Variants in SBF2 observed in about 807,000 individuals in gnomAD.
SBF2 encodes myotubularin-related protein 13.
SBF2 carries 112 observed loss-of-function variants against 225.2 expected under a neutral mutation model. The observed-to-expected ratio is 0.50, with a 90% confidence interval of 0.43 to 0.58. The LOEUF (loss-of-function observed/expected upper bound fraction) is 0.58, where lower values mean the gene tolerates loss of function less well. Ranked by LOEUF, SBF2 falls within the 20% of genes least tolerant of loss-of-function variation. The pLI, the probability that SBF2 is intolerant of heterozygous loss-of-function variation, is 0.00. For synonymous variants in SBF2, 763 were observed against 773.3 expected (o/e 0.99, Z 0.22); for missense variants, 1,996 against 2,206.2 (o/e 0.90, Z 1.91).
At chr11:9,959,449 C>T (rs924545087) in intron 16 of SBF2, 4 of 1,048,656 alleles carry the variant, frequency 3.8e-6, no homozygotes, top group Non-Finnish European at 6.0e-6. Context: ...CACCATGTCC[C>T]TTATCCGTTT....
chr11:9,862,707 T>A (rs1857858888), intron 17 of SBF2, among the ~76,000 whole-genome samples: 1 of 152,182 alleles, frequency 6.6e-6, no homozygotes, highest in Non-Finnish European at 1.5e-5. Context: ...TGGATAAAAC[T>A]ATCTTCTGAT....
At chr11:9,877,665 C>G (rs982815336) in intron 17 of SBF2, among the ~76,000 whole-genome samples, 2 of 152,116 alleles carry the variant, frequency 1.3e-5, no homozygotes, top group Non-Finnish European at 2.9e-5. Flanking sequence ...TCTGCTCTTG[C>G]GATAGTTTGC....
chr11:10,039,771 C>G (rs542143034), intron 3 of SBF2, among the ~76,000 whole-genome samples: 1 of 151,860 alleles, frequency 6.6e-6, no homozygotes, highest in South Asian at 2.1e-4. Flanking sequence ...ATAAAATGAT[C>G]CTAGATCAAC....
intron 16 of SBF2, among the ~76,000 whole-genome samples, chr11:9,913,189 T>G (rs1167073992): frequency 6.6e-6 from 1 of 152,014 alleles, no homozygotes; most frequent in East Asian, 1.9e-4. Flanking sequence ...GAGGTTGAGG[T>G]GGGAGGACCA....
At chr11:9,868,431 T>A (rs1424317623) in intron 17 of SBF2, among the ~76,000 whole-genome samples, 1 of 147,306 alleles carries the variant, frequency 6.8e-6, no homozygotes, top group African/African-American at 2.5e-5. Context: ...GGCAGGAGAA[T>A]GGCATGAACC....
At chr11:9,966,085 C>A (rs1866891261) in intron 14 of SBF2, among the ~76,000 whole-genome samples, 1 of 151,608 alleles carries the variant, frequency 6.6e-6, no homozygotes, top group Non-Finnish European at 1.5e-5. Flanking sequence ...TTTTCTTTTT[C>A]TTTTTCTTTT....
chr11:9,949,692 C>T (rs1032119836), intron 16 of SBF2, among the ~76,000 whole-genome samples: 4 of 152,028 alleles, frequency 2.6e-5, no homozygotes, highest in African/African-American at 9.7e-5. Context: ...TCTGCATTTA[C>T]ATTCATAAGA....
At chr11:10,159,864 T>C (rs1445808236) in intron 2 of SBF2, among the ~76,000 whole-genome samples, 1 of 151,536 alleles carries the variant, frequency 6.6e-6, no homozygotes, top group Non-Finnish European at 1.5e-5. Flanking sequence ...CACTCCAGCC[T>C]GGGCAACAGA....
At chr11:9,880,677 A>G (rs1024887511) in intron 17 of SBF2, among the ~76,000 whole-genome samples, 30 of 152,194 alleles carry the variant, frequency 2.0e-4, no homozygotes, top group African/African-American at 7.2e-4. Flanking sequence ...TGCCCTACTC[A>G]AGAGTATGGT....
chr11:9,911,456 C>T (rs1411025065), intron 16 of SBF2, among the ~76,000 whole-genome samples: 1 of 151,416 alleles, frequency 6.6e-6, no homozygotes, highest in Non-Finnish European at 1.5e-5. Flanking sequence ...CTATACAATA[C>T]CGTGGCTTTT....
chr11:10,208,539 G>GGGTGAAGGAGGC (rs1161670666), intron 1 of SBF2, among the ~76,000 whole-genome samples: 109 of 152,140 alleles, frequency 7.2e-4, no homozygotes, highest in African/African-American at 2.5e-3. Context: ...GCAAAGGAGG[G>GGGTGAAGGAGGC]GGTGAAGGAG....
chr11:9,822,449 A>G (rs1854817988), intron 28 of SBF2, among the ~76,000 whole-genome samples: 1 of 152,034 alleles, frequency 6.6e-6, no homozygotes, highest in Non-Finnish European at 1.5e-5. Flanking sequence ...TTTAGTAGAG[A>G]CAGGGTTTCA....
At chr11:10,008,654 A>G (rs1302091972) in intron 6 of SBF2, among the ~76,000 whole-genome samples, 18 of 152,220 alleles carry the variant, frequency 1.2e-4, no homozygotes, top group Non-Finnish European at 1.5e-5. Flanking sequence ...ACAGATGGGA[A>G]AAAGCCTTGC....
chr11:10,191,063 G>A (rs2135320539), intron 2 of SBF2, among the ~76,000 whole-genome samples: 1 of 152,222 alleles, frequency 6.6e-6, no homozygotes. Flanking sequence ...TTATGTACGT[G>A]AGTTCATCAC....
intron 7 of SBF2, 125 bp from the exon 8 acceptor site, chr11:10,001,147 C>A: frequency 1.6e-6 from 1 of 625,338 alleles, no homozygotes; most frequent in Non-Finnish European, 2.9e-6. Context: ...TGTTTTCATG[C>A]TTTTTAATAC....
chr11:10,152,363 C>T (rs560529559), intron 2 of SBF2, among the ~76,000 whole-genome samples: 2 of 120,922 alleles, frequency 1.7e-5, no homozygotes, highest in East Asian at 4.3e-4. Flanking sequence ...CCAGCCTGAC[C>T]AACATGGAGA....
intron 6 of SBF2, among the ~76,000 whole-genome samples, chr11:10,017,956 C>T (rs1157660517): frequency 1.3e-5 from 2 of 152,036 alleles, no homozygotes; most frequent in East Asian, 1.9e-4. Context: ...CCTTCAATGA[C>T]CCAAATTCCT....
intron 33 of SBF2, among the ~76,000 whole-genome samples, chr11:9,793,571 G>A (rs1852897324): frequency 6.6e-6 from 1 of 152,140 alleles, no homozygotes; most frequent in African/African-American, 2.4e-5. Flanking sequence ...TGTATTTTTA[G>A]TAGAGATGGG....
chr11:9,888,400 A>T (rs1860513939), intron 17 of SBF2, among the ~76,000 whole-genome samples: 1 of 151,846 alleles, frequency 6.6e-6, no homozygotes, highest in African/African-American at 2.4e-5. Flanking sequence ...GCTACTGAGG[A>T]GGCTGAGGTG....
Sources: allele counts gnomAD v4.1 joint callset (sites outside exome capture counted in the v4.1 genomes callset), GRCh38; gene constraint gnomAD v4.1.1; transcripts MANE v1.5; gene names NCBI Gene and HGNC (gene_info 2026-07-23, HGNC 2026-07-21).